The following CELF2 variants were observed in gnomAD, a reference collection of about 807,000 sequenced individuals.
CELF2 encodes the protein CUG triplet repeat RNA-binding protein 2.
In CELF2, 8 loss-of-function variants were observed where a neutral mutation model predicts 62.6. The ratio of observed to expected loss-of-function variants is 0.13; its 90% CI spans 0.07 to 0.23. CELF2 has a LOEUF of 0.23. CELF2 is among the 10% of genes least tolerant of loss of function. The probability of loss-of-function intolerance (pLI) is 1.00; values close to 1 mark genes in which losing one functional copy is unlikely to be tolerated. For synonymous variants in CELF2, 258 were observed against 250.0 expected (o/e 1.03, Z -0.30); for missense variants, 333 against 671.0 (o/e 0.50, Z 5.56).
chr10:10,899,499 A>G (rs748443759), intron 1 of CELF2, among the ~76,000 whole-genome samples: 7 of 152,196 alleles, frequency 4.6e-5, no homozygotes, highest in Non-Finnish European at 1.0e-4. Context: ...AGAGAACTAG[A>G]TAGTAAGTAT....
chr10:10,707,404 G>T, the CELF2 span, among the ~76,000 whole-genome samples: 2 of 152,118 alleles, frequency 1.3e-5, no homozygotes, highest in Admixed American at 6.6e-5. Flanking sequence ...AGGAAAAATT[G>T]TTCACCCAAA....
chr10:10,857,842 C>T (rs898041079), intron 1 of CELF2, among the ~76,000 whole-genome samples: 1 of 151,136 alleles, frequency 6.6e-6, no homozygotes, highest in African/African-American at 2.4e-5. Context: ...AATACACAAG[C>T]ATTTAAAGGT....
chr10:11,305,010 C>A lies in CELF2; in HGVS notation c.977-9129C>A, dbSNP rs188460680. On this transcript the variant is annotated intron_variant, in intron 9 of 12. Coordinates refer to ENST00000633077, the MANE Select transcript of CELF2 (RefSeq NM_001326342.2). The surrounding 1 kb of genome is among the most constrained non-coding windows in gnomAD (Gnocchi z 4.8). ...GTTTGAACAGAGAGAGAAGAGAGAA[C>A]GGGAATGCCTTTGTCAAACACGCAT... 6.6e-6 allele frequency among the ~76,000 whole-genome samples: 1 copy of A among 152,038 alleles called. No homozygotes were observed. Among genetic ancestry groups the A allele is most frequent in the African/African-American group, 2.4e-5 (1 of 41,418 alleles).
chr10:10,623,085 C>CAAAAAAAAAAAA, the CELF2 span, among the ~76,000 whole-genome samples: 38 of 57,218 alleles, frequency 6.6e-4, 1 homozygote, highest in Admixed American at 1.2e-3. Flanking sequence ...GACTCCGTCT[C>CAAAAAAAAAAAA]AAAAAAAAAA....
intron 1 of CELF2, among the ~76,000 whole-genome samples, chr10:11,066,598 G>T (rs1450000371): frequency 6.6e-6 from 1 of 152,098 alleles, no homozygotes; most frequent in Non-Finnish European, 1.5e-5. Context: ...CATCCCACTT[G>T]TCAGCCTCAG....
chr10:11,079,798 G>A (rs1401431914), intron 1 of CELF2, among the ~76,000 whole-genome samples: 2 of 145,824 alleles, frequency 1.4e-5, no homozygotes, highest in Non-Finnish European at 3.0e-5. Context: ...AAGAGAAGTT[G>A]TCACTCACCT....
intron 1 of CELF2, among the ~76,000 whole-genome samples, chr10:11,135,122 C>T (rs1295090206): frequency 2.0e-5 from 3 of 152,202 alleles, no homozygotes; most frequent in Non-Finnish European, 4.4e-5. Context: ...GCTTTGGTCC[C>T]GACTCCCTGT....
chr10:10,539,149 C>T, the CELF2 span, among the ~76,000 whole-genome samples: 1 of 152,164 alleles, frequency 6.6e-6, no homozygotes, highest in Admixed American at 6.5e-5. Flanking sequence ...GAGTACAGAT[C>T]TTAAGAGTTA....
the CELF2 span, among the ~76,000 whole-genome samples, chr10:10,650,786 T>G: frequency 6.6e-6 from 1 of 152,300 alleles, no homozygotes. Context: ...TCAAAATATT[T>G]AACACAGAGT....
the CELF2 span, among the ~76,000 whole-genome samples, chr10:10,571,499 A>G: frequency 2.2e-4 from 33 of 152,292 alleles, no homozygotes; most frequent in African/African-American, 7.0e-4. Flanking sequence ...CTTTTGCCAC[A>G]CGAATTCAAG....
At chr10:10,663,981 T>C in the CELF2 span, among the ~76,000 whole-genome samples, 3 of 152,120 alleles carry the variant, frequency 2.0e-5, no homozygotes, top group Non-Finnish European at 4.4e-5. Flanking sequence ...CTAGAGCTTA[T>C]CTTCAAGAAC....
intron 2 of CELF2, among the ~76,000 whole-genome samples, chr10:11,186,874 C>G (rs767366098): frequency 4.6e-5 from 7 of 152,178 alleles, no homozygotes; most frequent in Non-Finnish European, 1.5e-5. Flanking sequence ...TTTTCTGTTA[C>G]TGATCTCTAA....
At chr10:10,929,277 A>C (rs1307289606) in intron 2 of CELF2, among the ~76,000 whole-genome samples, 1 of 152,138 alleles carries the variant, frequency 6.6e-6, no homozygotes, top group Non-Finnish European at 1.5e-5. Context: ...GACTTAAGTT[A>C]TTATGTTATT....
intron 1 of CELF2, among the ~76,000 whole-genome samples, chr10:11,092,659 C>T (rs1280230966): frequency 6.6e-6 from 1 of 152,074 alleles, no homozygotes; most frequent in Non-Finnish European, 1.5e-5. Context: ...CTCTGTAGTC[C>T]CTGTTTCTTC....
At position 11,330,848 on chromosome 10, in the gene CELF2, T is replaced by A. The variant is rs1457630869; in HGVS notation, c.*1795T>A. Reference sequence around the variant, plus strand: ...GCAATATGTGTCCAGGGACACAGAATGTTGGTTTCTAACAGACTACTTCCA... The same window carrying A: ...GCAATATGTGTCCAGGGACACAGAAAGTTGGTTTCTAACAGACTACTTCCA... On this transcript the variant is annotated 3_prime_UTR_variant, in exon 13 of 13. Coordinates refer to ENST00000633077, the MANE Select transcript of CELF2 (RefSeq NM_001326342.2). This position sits in a 1 kb window ranked among gnomAD's most constrained non-coding sequence, Gnocchi z 4.5. 6.6e-6 allele frequency: 1 copy of A among 152,556 alleles called. No homozygotes were observed. The highest frequency in any genetic ancestry group is 2.4e-5 in the African/African-American group (1 of 41,434). The allele number at this position is 152,556 out of a possible 1,614,324, so 9.5% of individuals were successfully genotyped here.
intron 5 of CELF2, among the ~76,000 whole-genome samples, chr10:11,259,778 T>C (rs539001900): frequency 1.7e-4 from 26 of 152,322 alleles, no homozygotes; most frequent in Non-Finnish European, 1.0e-4. Flanking sequence ...ATCATATATA[T>C]GTCCACTTAA....
chr10:10,981,563 C>G (rs61830377), intron 2 of CELF2, among the ~76,000 whole-genome samples: 1 of 152,178 alleles, frequency 6.6e-6, no homozygotes, highest in Non-Finnish European at 1.5e-5. Context: ...GTTCTATCGT[C>G]CATGCATGCT....
At chr10:11,021,577 A>G (rs1158748623) in intron 1 of CELF2, among the ~76,000 whole-genome samples, 1 of 152,174 alleles carries the variant, frequency 6.6e-6, no homozygotes, top group Non-Finnish European at 1.5e-5. Context: ...AGGAAACGTG[A>G]GTTGTTAGTT....
At chr10:10,620,777 G>T in the CELF2 span, among the ~76,000 whole-genome samples, 10 of 148,700 alleles carry the variant, frequency 6.7e-5, no homozygotes, top group South Asian at 2.2e-3. Context: ...GTGGTGGCAG[G>T]CGCCTGTAGG....
Sources: allele counts gnomAD v4.1 joint callset (sites outside exome capture counted in the v4.1 genomes callset), GRCh38; gene constraint gnomAD v4.1.1; non-coding constraint Gnocchi (gnomAD v3.1); transcripts MANE v1.5; gene names NCBI Gene and HGNC (gene_info 2026-07-23, HGNC 2026-07-21).